ASB10: variants seen among roughly 807,000 people sequenced by gnomAD.
ASB10 encodes the protein ankyrin repeat and SOCS box containing 10, also known as ankyrin repeat and SOCS box protein 10.
ASB10 carries 44 observed loss-of-function variants against 35.4 expected under a neutral mutation model. The ratio of observed to expected loss-of-function variants is 1.24; its 90% CI spans 0.98 to 1.60. The LOEUF is 1.60. Among genes scored for constraint, ASB10 ranks in the 40% most tolerant of loss-of-function variants. ASB10 has a pLI of 0.00. For missense variants in ASB10, 647 were observed against 634.3 expected, an observed-to-expected ratio of 1.02 and a Z score of -0.22; for synonymous variants, 294 against 280.4, an observed-to-expected ratio of 1.05 and a Z score of -0.49.
At chr7:151,182,332 C>T (rs1412045563) in intron 2 of ASB10, among the ~76,000 whole-genome samples, 1 of 152,182 alleles carries the variant, frequency 6.6e-6, no homozygotes, top group Non-Finnish European at 1.5e-5. Flanking sequence ...AATCCCAGCA[C>T]TTTGGGAGTC....
At chr7:151,176,770 A>G (rs1801397909) in intron 3 of ASB10, 94 bp from the exon 4 acceptor site, 1 of 885,302 alleles carries the variant, frequency 1.1e-6, no homozygotes, top group Non-Finnish European at 1.8e-6. Flanking sequence ...TTTGTTCCCC[A>G]AAAGATATAT....
chr7:151,182,230 G>T (rs540231287), intron 2 of ASB10, among the ~76,000 whole-genome samples: 1 of 152,176 alleles, frequency 6.6e-6, no homozygotes, highest in African/African-American at 2.4e-5. Flanking sequence ...GAGGAGGAAG[G>T]GGGCGTGGGG....
chr7:151,180,671 A>G (rs1396151625), intron 3 of ASB10, among the ~76,000 whole-genome samples: 1 of 152,216 alleles, frequency 6.6e-6, no homozygotes, highest in Admixed American at 6.5e-5. Context: ...CATGCACAGT[A>G]TATACATGCA....
Position 151,180,973 on chromosome 7 carries a change from C to G in ASB10, c.1070G>C (p.Gly357Ala), listed in dbSNP as rs745482111. ...EHVVRALLNH[G>A]AVRVWPGALP... is the part of the protein sequence containing the mutation. ...GGCCCCTGGCCAGACACGGACGGCGCCATGGTTGAGCAGAGCCCGAACCAC... is the reference window on the plus strand; with the variant it reads ...GGCCCCTGGCCAGACACGGACGGCGGCATGGTTGAGCAGAGCCCGAACCAC... The change falls in exon 3 of 6, where the codon GGC (glycine) becomes GCC (alanine). Residue 357 changes from glycine to alanine, a missense_variant. Coordinates refer to ENST00000420175, the MANE Select transcript of ASB10 (RefSeq NM_001142459.2). The G allele has an allele frequency of 2.5e-6, 4 of 1,578,166 alleles. No individual in the cohort carries two copies.
At chr7:151,176,511 G>A (rs764552895) in intron 4 of ASB10, 52 bp downstream of exon 4, 12 of 1,512,546 alleles carry the variant, frequency 7.9e-6, no homozygotes, top group Non-Finnish European at 1.1e-5. Context: ...TAGCGGGTGG[G>A]AGTCTTGGGA....
At chr7:151,187,326 G>A (rs1801620732), upstream of ASB10, 33 of 1,518,288 alleles carry the variant, frequency 2.2e-5, 1 homozygote, top group South Asian at 4.0e-4. This position sits in a 1 kb window ranked among gnomAD's most constrained non-coding sequence, Gnocchi z 5.3. Context: ...GTAGGCTATT[G>A]GGCAAGCTTT....
At chr7:151,181,529 CT>C (rs1290103070) in intron 2 of ASB10, 71 bp from the exon 3 acceptor site, 1 of 1,477,176 alleles carries the variant, frequency 6.8e-7, no homozygotes, top group African/African-American at 1.4e-5. Flanking sequence ...TTGGGTGGCT[CT>C]TGGTTCTGTC....
intron 3 of ASB10, among the ~76,000 whole-genome samples, chr7:151,176,905 A>G (rs150967005): frequency 6.6e-6 from 1 of 152,356 alleles, no homozygotes; most frequent in East Asian, 1.9e-4. Context: ...GTGTTCTTAT[A>G]AGAAGAGAAA....
At position 151,187,175 on chromosome 7, in the gene ASB10, A is replaced by C. The variant is rs1316444976; in HGVS notation, c.-45T>G. On this transcript the variant is annotated 5_prime_UTR_variant, in exon 1 of 6. Coordinates refer to ENST00000420175, the MANE Select transcript of ASB10 (RefSeq NM_001142459.2). This position sits in a 1 kb window ranked among gnomAD's most constrained non-coding sequence, Gnocchi z 5.3. ...TGGGGAGGAGGAGAGGTATATGCCA[A>C]AGGCAGAGAGAGAGAGAGAGAGCAG... The C allele has an allele frequency of 6.5e-7, 1 of 1,543,414 alleles. No individual in the cohort carries two copies. The highest frequency in any genetic ancestry group is 2.4e-5 in the East Asian group (1 of 41,400).
chr7:151,186,409 C>A lies in ASB10; in HGVS notation c.567G>T (p.Arg189=). 1 of 1,587,374 alleles carries A rather than the reference C, an allele frequency of 6.3e-7. No homozygotes were observed. The highest frequency in any genetic ancestry group is 8.6e-7 in the Non-Finnish European group (1 of 1,167,196). Residue 189 remains arginine (R), a synonymous_variant, in exon 2 of 6, where the codon CGG becomes CGT. Coordinates refer to ENST00000420175, the MANE Select transcript of ASB10 (RefSeq NM_001142459.2). ...QDGKRPLHLC[R]GPGTLECAEL... ...TCACTCACTCAAGGGTGCCAGGCCC[C>A]CGGCAGAGATGCAGGGGGCGTTTCC...
chr7:151,177,407 T>C (rs1801408346), intron 3 of ASB10, among the ~76,000 whole-genome samples: 1 of 152,268 alleles, frequency 6.6e-6, no homozygotes, highest in African/African-American at 2.4e-5. Context: ...AGTCCAGGCC[T>C]GGAAGCGTGA....
At position 151,176,951 on chromosome 7, in the gene ASB10, A is replaced by T. The variant is rs1448491175; in HGVS notation, c.1105-275T>A. Among the ~76,000 whole-genome samples, 11 of 152,374 alleles carry T rather than the reference A, an allele frequency of 7.2e-5. No homozygotes were observed. In the East Asian group the frequency reaches 2.1e-3, roughly 29 times the overall value. ...AGACACGGACACAGAAAAGAAGGCC[A>T]CGTGATGACAAAGGCAGACAGTGGA... On this transcript the variant is annotated intron_variant, in intron 3 of 5. Coordinates refer to ENST00000420175, the MANE Select transcript of ASB10 (RefSeq NM_001142459.2).
chr7:151,184,269 C>T (rs543787286), intron 2 of ASB10, among the ~76,000 whole-genome samples: 11 of 151,994 alleles, frequency 7.2e-5, no homozygotes, highest in African/African-American at 2.4e-4. Flanking sequence ...AAAAAGTAGC[C>T]GGGTGCGGTG....
intron 2 of ASB10, among the ~76,000 whole-genome samples, chr7:151,184,935 T>C (rs1801560068): frequency 6.6e-6 from 1 of 151,624 alleles, no homozygotes; most frequent in Non-Finnish European, 1.5e-5. Context: ...GGCAGGAGGA[T>C]GGCGTGAACC....
intron 2 of ASB10, 125 bp downstream of exon 2, chr7:151,186,265 CCT>C (rs1801586892): frequency 4.0e-6 from 5 of 1,237,858 alleles, no homozygotes; most frequent in Non-Finnish European, 5.5e-6. Context: ...GTAATTGCAC[CCT>C]GACCCGCGCC....
At chr7:151,176,798 G>C in intron 3 of ASB10, 122 bp from the exon 4 acceptor site, 2 of 672,784 alleles carry the variant, frequency 3.0e-6, no homozygotes, top group Non-Finnish European at 5.1e-6. Context: ...CTATCCCCCT[G>C]TACCTATGAA....
Position 151,181,010 on chromosome 7 carries a change from T to C in ASB10, c.1033A>G (p.Ser345Gly). 1.2e-6 allele frequency: 2 copies of C among 1,603,670 alleles called. No homozygotes were observed. Among genetic ancestry groups the C allele is most frequent in the Non-Finnish European group, 1.7e-6 (2 of 1,173,408 alleles). Residue 345 changes from serine (S) to glycine (G), a missense_variant, in exon 3 of 6, where the codon AGC becomes GGC. Physicochemically the swap from Ser to Gly is moderately conservative, Grantham distance 56 (BLOSUM62 0). Coordinates refer to ENST00000420175, the MANE Select transcript of ASB10 (RefSeq NM_001142459.2). ...LQGPAAALAQ[S>G]PEHVVRALLN... ...AGAGCCCGAACCACGTGCTCGGGGC[T>C]CTGGGCCAGGGCTGCAGCTGGGCCC...
intron 3 of ASB10, among the ~76,000 whole-genome samples, chr7:151,179,518 A>G (rs1053547299): frequency 6.6e-6 from 1 of 152,244 alleles, no homozygotes; most frequent in Non-Finnish European, 1.5e-5. Flanking sequence ...ACGAACAAGC[A>G]TCAAAGTCAC....
Position 151,176,169 on chromosome 7 carries a change from G to A in ASB10, c.1347C>T (p.Pro449=), listed in dbSNP as rs761217467. 6.2e-7 allele frequency: 1 copy of A among 1,611,688 alleles called. No individual in the cohort carries two copies. Among genetic ancestry groups the A allele is most frequent in the Non-Finnish European group, 8.5e-7 (1 of 1,179,762 alleles). The stretch of plus-strand genomic sequence containing the variant: ...GGTAGCGGAGCAGGCGCGGTGGCAG[G>A]GGGAGGCGGGGCAGCGCTTGGGGCA... ...GSLPQALPRL[P]LPPRLLRYLQ... Residue 449 remains proline (P), a synonymous_variant, in exon 5 of 6, where the codon CCC becomes CCT. Coordinates refer to ENST00000420175, the MANE Select transcript of ASB10 (RefSeq NM_001142459.2).
Sources: gnomAD v4.1 joint callset for allele counts (sites outside exome capture counted in the v4.1 genomes callset) on GRCh38, gnomAD v4.1.1 for gene constraint, Gnocchi (gnomAD v3.1) non-coding constraint, MANE v1.5 for transcripts, NCBI Gene and HGNC (gene_info 2026-07-23, HGNC 2026-07-21) for gene names.